The following KIF26B variants were observed in gnomAD, a reference collection of about 807,000 sequenced individuals.
KIF26B encodes the protein kinesin-like protein KIF26B.
Under a neutral mutation model 151.2 loss-of-function variants are expected in KIF26B, and 63 were observed. The ratio of observed to expected loss-of-function variants is 0.42; its 90% CI spans 0.34 to 0.51. The LOEUF (loss-of-function observed/expected upper bound fraction) is 0.51. KIF26B is among the 20% of genes least tolerant of loss of function. The pLI is 0.07. For missense variants in KIF26B, 2,813 were observed against 2,913.6 expected (o/e 0.97, Z 0.79); for synonymous variants, 1,357 against 1,262.1 (o/e 1.08, Z -1.59).
At chr1:245,243,522 A>T (rs1670251131) in intron 2 of KIF26B, among the ~76,000 whole-genome samples, 1 of 152,062 alleles carries the variant, frequency 6.6e-6, no homozygotes, top group African/African-American at 2.4e-5. Flanking sequence ...CTATGTGCAT[A>T]ACGTGTTTCT....
chr1:245,678,596 G>C (rs2147946958), intron 10 of KIF26B, among the ~76,000 whole-genome samples: 1 of 152,230 alleles, frequency 6.6e-6, no homozygotes, highest in African/African-American at 2.4e-5. Context: ...TGGCACAGTG[G>C]CTCACGCCTG....
At chr1:245,184,050 G>GTTTTTTGTTTTTTTTTTTTTGTTTTTT (rs1553332272) in intron 2 of KIF26B, among the ~76,000 whole-genome samples, 1 of 19,804 alleles carries the variant, frequency 5.0e-5, no homozygotes, top group Non-Finnish European at 9.9e-5. Context: ...GGGAGTTGTT[G>GTTTTTTGTTTTTTTTTTTTTGTTTTTT]TTTTTTTTTT....
chr1:245,434,968 C>A (rs575625971), intron 4 of KIF26B, among the ~76,000 whole-genome samples: 1 of 144,606 alleles, frequency 6.9e-6, no homozygotes, highest in East Asian at 2.1e-4. Context: ...AGTATATGCT[C>A]TTTTGTCCAT....
intron 3 of KIF26B, among the ~76,000 whole-genome samples, chr1:245,408,175 A>T (rs1303062984): frequency 6.6e-6 from 1 of 152,074 alleles, no homozygotes; most frequent in Non-Finnish European, 1.5e-5. Context: ...CTCAGTCTGA[A>T]TTTGCTGAGT....
At chr1:245,468,858 G>A (rs901311392) in intron 4 of KIF26B, among the ~76,000 whole-genome samples, 1 of 152,076 alleles carries the variant, frequency 6.6e-6, no homozygotes, top group Non-Finnish European at 1.5e-5. Context: ...TTAAATTAAG[G>A]GTTCTTGCAT....
intron 9 of KIF26B, among the ~76,000 whole-genome samples, chr1:245,632,130 T>G (rs2043787526): frequency 6.6e-6 from 1 of 152,144 alleles, no homozygotes; most frequent in Non-Finnish European, 1.5e-5. Flanking sequence ...CATTCGGTTG[T>G]CTATTTGAAA....
intron 4 of KIF26B, among the ~76,000 whole-genome samples, chr1:245,440,234 A>AT (rs1251993512): frequency 1.3e-5 from 2 of 151,904 alleles, no homozygotes; most frequent in Non-Finnish European, 2.9e-5. Flanking sequence ...AAAAAAAAAA[A>AT]CTAAAAGGTT....
chr1:245,588,982 C>T (rs1398351632), intron 5 of KIF26B, among the ~76,000 whole-genome samples: 1 of 152,206 alleles, frequency 6.6e-6, no homozygotes, highest in African/African-American at 2.4e-5. Context: ...TCTGTTCCTC[C>T]TTCTGACTCC....
intron 9 of KIF26B, among the ~76,000 whole-genome samples, chr1:245,615,900 G>A (rs1335008193): frequency 6.6e-6 from 1 of 152,166 alleles, no homozygotes; most frequent in Admixed American, 6.5e-5. Flanking sequence ...GTTTAAAATG[G>A]AAATTTTGTT....
At chr1:245,355,595 CAAAAA>C (rs34799952) in intron 2 of KIF26B, among the ~76,000 whole-genome samples, 5 of 74,886 alleles carry the variant, frequency 6.7e-5, no homozygotes, top group African/African-American at 6.7e-5. Flanking sequence ...GACCCTGTCT[CAAAAA>C]AAAAAAAAAA....
chr1:245,166,914 C>T lies in KIF26B; in HGVS notation c.465+10231C>T, dbSNP rs929854329. Among the ~76,000 whole-genome samples, 10 of 152,156 alleles carry T rather than the reference C, an allele frequency of 6.6e-5. No homozygotes were observed. The highest frequency in any genetic ancestry group is 1.3e-4 in the Admixed American group (2 of 15,274). Reference sequence around the variant, plus strand: ...ATACAAAAAACCGAGACATTCTGAACGTTGCTATAGAGGTTAGCAAAGCAG... The same window carrying T: ...ATACAAAAAACCGAGACATTCTGAATGTTGCTATAGAGGTTAGCAAAGCAG... On this transcript the variant is annotated intron_variant, in intron 2 of 14. Transcript: ENST00000407071. The surrounding 1 kb of genome is among the most constrained non-coding windows in gnomAD (Gnocchi z 4.5).
chr1:245,365,522 C>G (rs1041706720), intron 2 of KIF26B, among the ~76,000 whole-genome samples: 18 of 150,422 alleles, frequency 1.2e-4, no homozygotes, highest in African/African-American at 4.0e-4. Flanking sequence ...CTCCCCCCCA[C>G]CAGCCTACAG....
chr1:245,693,894 G>A (rs901355560), intron 12 of KIF26B, among the ~76,000 whole-genome samples: 1 of 152,214 alleles, frequency 6.6e-6, no homozygotes, highest in African/African-American at 2.4e-5. Context: ...GTTTCTAAGC[G>A]AACCAACCTA....
chr1:245,540,702 G>C lies in KIF26B; in HGVS notation c.1167-65G>C, dbSNP rs761945813. ...AACGAGGGGTTGTTTAAGAGAAAAC[G>C]AAGTAAGCCTAGCAGATCTGATCGT... On this transcript the variant is annotated intron_variant, in intron 4 of 14. Transcript: ENST00000407071. The surrounding 1 kb of genome is among the most constrained non-coding windows in gnomAD (Gnocchi z 4.6). 19 of 1,441,544 alleles carry C rather than the reference G, an allele frequency of 1.3e-5. No individual in the cohort carries two copies. In the Admixed American group the frequency reaches 2.8e-4, roughly 22 times the overall value. The allele number at this position is 1,441,544 out of a possible 1,614,324, so 89.3% of individuals were successfully genotyped here. A position where few individuals can be genotyped will look rare whatever the true frequency, so the allele number is the denominator to read the frequency against.
At chr1:245,238,019 C>A (rs987047898) in intron 2 of KIF26B, among the ~76,000 whole-genome samples, 1 of 126,190 alleles carries the variant, frequency 7.9e-6, no homozygotes, top group African/African-American at 2.9e-5. Context: ...GAGCAAGACC[C>A]TGTCTCAAAA....
At chr1:245,593,309 T>A (rs1422477859) in intron 5 of KIF26B, among the ~76,000 whole-genome samples, 1 of 152,150 alleles carries the variant, frequency 6.6e-6, no homozygotes, top group African/African-American at 2.4e-5. Flanking sequence ...CTCCTAATGC[T>A]ATCCCTCCCC....
chr1:245,207,758 C>T (rs1322729181), intron 2 of KIF26B, among the ~76,000 whole-genome samples: 2 of 152,162 alleles, frequency 1.3e-5, no homozygotes, highest in African/African-American at 4.8e-5. Flanking sequence ...ACCCACTTCC[C>T]ACAGCTCCCC....
chr1:245,451,522 T>C (rs914944817), intron 4 of KIF26B, among the ~76,000 whole-genome samples: 1 of 151,652 alleles, frequency 6.6e-6, no homozygotes, highest in African/African-American at 2.4e-5. Context: ...TTTTTATGAA[T>C]TTCACTTGAG....
At chr1:245,280,212 A>G (rs1479623541) in intron 2 of KIF26B, among the ~76,000 whole-genome samples, 1 of 151,928 alleles carries the variant, frequency 6.6e-6, no homozygotes, top group Non-Finnish European at 1.5e-5. Context: ...ATGTTGTAGG[A>G]GTTATTAAGA....
Sources: gnomAD v4.1 joint callset for allele counts (sites outside exome capture counted in the v4.1 genomes callset) on GRCh38, gnomAD v4.1.1 for gene constraint, Gnocchi (gnomAD v3.1) non-coding constraint, MANE v1.5 for transcripts, NCBI Gene and HGNC (gene_info 2026-07-23, HGNC 2026-07-21) for gene names.